The following ZNF676 variants were observed in gnomAD, a reference collection of about 807,000 sequenced individuals.
ZNF676 encodes the protein zinc finger protein 676.
Under a neutral mutation model 6.0 loss-of-function variants are expected in ZNF676, and 4 were observed. The observed-to-expected ratio is 0.67, with a 90% CI of 0.33 to 1.53. The LOEUF (loss-of-function observed/expected upper bound fraction) is 1.53, where lower values mean the gene tolerates loss of function less well. ZNF676 is among the 40% of genes most tolerant of loss of function. The pLI is 0.06. For synonymous variants in ZNF676, 198 were observed against 223.1 expected (o/e 0.89, Z 1.00); for missense variants, 644 against 679.7 (o/e 0.95, Z 0.58).
At chr19:22,250,089 G>A in the ZNF676 span, among the ~76,000 whole-genome samples, 1 of 151,874 alleles carries the variant, frequency 6.6e-6, no homozygotes, top group African/African-American at 2.4e-5. Flanking sequence ...GGCTGAGGCA[G>A]GAGAATTGCT....
At chr19:22,254,172 T>G in the ZNF676 span, among the ~76,000 whole-genome samples, 13 of 152,044 alleles carry the variant, frequency 8.6e-5, no homozygotes, top group Non-Finnish European at 1.6e-4. Context: ...CACCTAGGTG[T>G]TCAGCCACAG....
chr19:22,182,593 A>AAAAAAAAACAAAAAAAAC (rs1555773391), intron 2 of ZNF676, among the ~76,000 whole-genome samples: 1 of 90,930 alleles, frequency 1.1e-5, no homozygotes, highest in African/African-American at 4.5e-5. Context: ...TCTAAAAAAA[A>AAAAAAAAACAAAAAAAAC]AAAAAAAAAG....
At chr19:22,201,707 C>T (rs573640606), upstream of ZNF676, among the ~76,000 whole-genome samples, 20 of 113,994 alleles carry the variant, frequency 1.8e-4, no homozygotes, top group East Asian at 4.8e-3. Flanking sequence ...TCATTAGCAG[C>T]ACTTACAAGT....
the ZNF676 span, among the ~76,000 whole-genome samples, chr19:22,249,370 A>G: frequency 2.6e-5 from 4 of 152,184 alleles, no homozygotes. Context: ...GTGTGTGAAC[A>G]TATTGGCTAA....
At chr19:22,201,623 A>G (rs2024026425), upstream of ZNF676, among the ~76,000 whole-genome samples, 2 of 151,874 alleles carry the variant, frequency 1.3e-5, no homozygotes, top group South Asian at 4.2e-4. Context: ...GAACATAAGC[A>G]GACAGTTTAT....
rs1322937847 is a variant in ZNF676, at chr19:22,196,910, AAG to A, written c.-279_-278del. On this transcript the variant is annotated 5_prime_UTR_variant, in exon 1 of 3. The change creates a premature stop within an existing upstream ORF in the 5' untranslated region. Coordinates refer to ENST00000397121, the MANE Select transcript of ZNF676 (RefSeq NM_001001411.3). Reference sequence around the variant, plus strand: ...CTAATGTATTCTCTAACTCTGAGAAAAGAAAGTGGTATAAGATCCATAACATC... The same window carrying A: ...CTAATGTATTCTCTAACTCTGAGAAAAAAGTGGTATAAGATCCATAACATC... 2 of 617,060 alleles carry A rather than the reference AAG, an allele frequency of 3.2e-6. No individual in the cohort carries two copies. The highest frequency in any genetic ancestry group is 5.5e-6 in the Non-Finnish European group (2 of 360,678). The allele number at this position is 617,060 out of a possible 1,614,324, so 38.2% of individuals were successfully genotyped here.
the ZNF676 span, among the ~76,000 whole-genome samples, chr19:22,226,580 G>C: frequency 1.6e-5 from 2 of 128,066 alleles, no homozygotes; most frequent in African/African-American, 5.9e-5. Context: ...ATTTTATTTA[G>C]AGAGAGAAGG....
chr19:22,248,189 G>A, the ZNF676 span, among the ~76,000 whole-genome samples: 1 of 152,158 alleles, frequency 6.6e-6, no homozygotes, highest in Non-Finnish European at 1.5e-5. Context: ...ACTATTGTGA[G>A]TAGTGCTGCA....
chr19:22,241,276 A>G, the ZNF676 span, among the ~76,000 whole-genome samples: 1 of 151,946 alleles, frequency 6.6e-6, no homozygotes, highest in Admixed American at 6.5e-5. Context: ...CAGGTATGAG[A>G]GTCAACACCT....
In ZNF676 at chr19:22,208,819, A is replaced by C. The variant is rs1324390776; in HGVS notation, c.3+6813T>G. On this transcript the variant is annotated intron_variant, in intron 1 of 3. Coordinates refer to the ZNF676 transcript ENST00000650058. ...GCTAGGCATGGTGGCACAAGCCTTCAGTCTTAGCTACTTGAGAAGCTTAGA... is the reference window on the plus strand; with the variant it reads ...GCTAGGCATGGTGGCACAAGCCTTCCGTCTTAGCTACTTGAGAAGCTTAGA... Among the ~76,000 whole-genome samples the C allele has an allele frequency of 2.6e-5, 4 of 152,138 alleles. No individual in the cohort carries two copies. The East Asian group carries it at 7.7e-4, about 29-fold the overall frequency.
the ZNF676 span, among the ~76,000 whole-genome samples, chr19:22,237,294 T>A: frequency 6.6e-6 from 1 of 152,112 alleles, no homozygotes; most frequent in Non-Finnish European, 1.5e-5. Flanking sequence ...CTTTTTTAAC[T>A]CCCCAAGCTG....
chr19:22,249,125 A>T, the ZNF676 span, among the ~76,000 whole-genome samples: 1 of 152,238 alleles, frequency 6.6e-6, no homozygotes, highest in Admixed American at 6.5e-5. Context: ...AACAAACGTA[A>T]TGCCTTTTAT....
At chr19:22,258,478 T>C in the ZNF676 span, among the ~76,000 whole-genome samples, 1 of 152,160 alleles carries the variant, frequency 6.6e-6, no homozygotes, top group African/African-American at 2.4e-5. Flanking sequence ...AGGAATCACA[T>C]TATCTAGGTG....
the ZNF676 span, among the ~76,000 whole-genome samples, chr19:22,242,943 C>G: frequency 3.3e-5 from 5 of 151,732 alleles, no homozygotes; most frequent in African/African-American, 1.2e-4. Context: ...AAGGAGAGTC[C>G]CATCATCTAG....
At chr19:22,205,213 G>A (rs1174966179) in intron 1 of ZNF676, among the ~76,000 whole-genome samples, 1 of 151,942 alleles carries the variant, frequency 6.6e-6, no homozygotes, top group African/African-American at 2.4e-5. Flanking sequence ...TAATAATCGG[G>A]GACTACATCT....
the ZNF676 span, among the ~76,000 whole-genome samples, chr19:22,259,138 G>A: frequency 6.6e-6 from 1 of 152,180 alleles, no homozygotes; most frequent in Non-Finnish European, 1.5e-5. Flanking sequence ...AGGTAGGAGA[G>A]AACAGTAACA....
chr19:22,214,386 G>A (rs557237337), intron 1 of ZNF676, among the ~76,000 whole-genome samples: 12 of 152,042 alleles, frequency 7.9e-5, no homozygotes, highest in Non-Finnish European at 1.5e-4. Context: ...AGGCCGAGGC[G>A]GGTGGATCAC....
At chr19:22,253,933 G>GA in the ZNF676 span, among the ~76,000 whole-genome samples, 1 of 152,132 alleles carries the variant, frequency 6.6e-6, no homozygotes, top group Non-Finnish European at 1.5e-5. Context: ...AATACATAGA[G>GA]AAGACCCATA....
chr19:22,210,743 T>TA (rs2024121421), intron 1 of ZNF676, among the ~76,000 whole-genome samples: 1 of 152,202 alleles, frequency 6.6e-6, no homozygotes, highest in Non-Finnish European at 1.5e-5. Flanking sequence ...AAATCAGCTG[T>TA]ATTTGTCTTC....
Sources: gnomAD v4.1 joint callset for allele counts (sites outside exome capture counted in the v4.1 genomes callset) on GRCh38, gnomAD v4.1.1 for gene constraint, MANE v1.5 for transcripts, NCBI Gene and HGNC (gene_info 2026-07-23, HGNC 2026-07-21) for gene names.